Variants in PPFIBP2 observed in about 807,000 individuals in gnomAD.
PPFIBP2 encodes liprin-beta-2.
In PPFIBP2, 118 loss-of-function variants were observed where a neutral mutation model predicts 118.3. That is an observed-to-expected ratio of 1.00 (90% CI 0.86 to 1.16). PPFIBP2 has a LOEUF of 1.16. Among genes scored for constraint, PPFIBP2 ranks in the 50% most tolerant of loss-of-function variants. PPFIBP2 has a pLI of 0.00. For missense variants in PPFIBP2, 1,195 were observed against 1,073.1 expected (o/e 1.11, Z -1.59); for synonymous variants, 414 against 397.4 (o/e 1.04, Z -0.50).
At chr11:7,604,302 A>C (rs1334226154) in intron 5 of PPFIBP2, among the ~76,000 whole-genome samples, 3 of 152,186 alleles carry the variant, frequency 2.0e-5, no homozygotes, top group Non-Finnish European at 4.4e-5. Context: ...AGATCTGAGA[A>C]ATGCAAGCTG....
intron 5 of PPFIBP2, among the ~76,000 whole-genome samples, chr11:7,598,925 T>C (rs1417818064): frequency 7.8e-6 from 1 of 127,916 alleles, no homozygotes; most frequent in African/African-American, 3.6e-5. Context: ...TGTTTTTATA[T>C]ATATGTCTTC....
intron 1 of PPFIBP2, among the ~76,000 whole-genome samples, chr11:7,547,435 C>A (rs1443171128): frequency 6.6e-6 from 1 of 152,084 alleles, no homozygotes; most frequent in African/African-American, 2.4e-5. Context: ...TGGAATTTTC[C>A]CCTTAGAGAA....
At chr11:7,663,834 G>T in the PPFIBP2 span, among the ~76,000 whole-genome samples, 1 of 152,208 alleles carries the variant, frequency 6.6e-6, no homozygotes, top group Non-Finnish European at 1.5e-5. Flanking sequence ...AGCCAGGTGC[G>T]GGATATAATC....
the PPFIBP2 span, chr11:7,665,701 A>G: frequency 5.2e-6 from 6 of 1,148,500 alleles, no homozygotes; most frequent in Non-Finnish European, 7.2e-6. Context: ...AAAAAGCCTC[A>G]GAACTAGTAA....
intron 3 of PPFIBP2, among the ~76,000 whole-genome samples, chr11:7,578,691 C>T (rs375219104): frequency 2.8e-4 from 43 of 152,210 alleles, no homozygotes; most frequent in Non-Finnish European, 6.2e-4. Flanking sequence ...ACAGAAGACA[C>T]GGGACTGCTG....
chr11:7,601,610 G>T (rs1846640089), intron 5 of PPFIBP2, among the ~76,000 whole-genome samples: 1 of 152,118 alleles, frequency 6.6e-6, no homozygotes, highest in Non-Finnish European at 1.5e-5. Context: ...AGTCAGATGT[G>T]GTCTTAGACT....
chr11:7,567,282 A>G (rs541831382), intron 3 of PPFIBP2, among the ~76,000 whole-genome samples: 162 of 152,354 alleles, frequency 1.1e-3, no homozygotes, highest in African/African-American at 3.7e-3. Flanking sequence ...GGTATAAACA[A>G]TGAATCTAAC....
chr11:7,639,800 T>G lies in PPFIBP2; in HGVS notation c.1305T>G (p.Asn435Lys). The part of the protein sequence containing the change: ...LPGKLSGATP[N>K]GEAAKSPPTI... ...GGAAGCTTTCAGGAGCCACGCCCAATGGAGAGGCTGCCAAATCTCCTCCCA... is the reference window on the plus strand; with the variant it reads ...GGAAGCTTTCAGGAGCCACGCCCAAGGGAGAGGCTGCCAAATCTCCTCCCA... The change falls in exon 15 of 24, where the codon AAT becomes AAG. Residue 435 changes from asparagine (N) to lysine (K), a missense_variant. Asn to Lys is a moderately conservative substitution (Grantham distance 94, BLOSUM62 0). Coordinates refer to ENST00000299492, the MANE Select transcript of PPFIBP2 (RefSeq NM_003621.5). The G allele has an allele frequency of 6.2e-7, 1 of 1,614,010 alleles. No homozygotes were observed. The highest frequency in any genetic ancestry group is 8.5e-7 in the Non-Finnish European group (1 of 1,179,986).
At chr11:7,569,055 T>A (rs1444735447) in intron 3 of PPFIBP2, 1 of 152,182 alleles carries the variant, frequency 6.6e-6, no homozygotes, top group Non-Finnish European at 1.5e-5. Context: ...ATCAGAAGAA[T>A]GGGCTGCTGA....
chr11:7,657,104 CTCGTGATAT>C (rs1854755085), downstream of PPFIBP2: 2 of 252,410 alleles, frequency 7.9e-6, no homozygotes, highest in Non-Finnish European at 1.6e-5. Flanking sequence ...GACTCGATGG[CTCGTGATAT>C]TCCTGGTGAC....
At position 7,652,937 on chromosome 11, in the gene PPFIBP2, C is replaced by G. The variant is rs531144303; in HGVS notation, c.2437-87C>G. ...TTACATTATTCCTCTCCTTGAGTGC[C>G]TGCTCTTAAATTTTAAGTATATTGT... On this transcript the variant is annotated intron_variant, in intron 23 of 23. Coordinates refer to ENST00000299492, the MANE Select transcript of PPFIBP2 (RefSeq NM_003621.5). 2.8e-6 allele frequency: 4 copies of G among 1,420,352 alleles called. No homozygotes were observed. In the African/African-American group the frequency reaches 4.3e-5, roughly 15 times the overall value. The allele number at this position is 1,420,352 out of a possible 1,614,324, so 88.0% of individuals were successfully genotyped here. A position where few individuals can be genotyped will look rare whatever the true frequency, so the allele number is the denominator to read the frequency against.
At position 7,565,610 on chromosome 11, in the gene PPFIBP2, C is replaced by T. The variant is rs143207591; in HGVS notation, c.122C>T (p.Pro41Leu). The T allele has an allele frequency of 6.4e-5, 104 of 1,614,216 alleles. 1 individual carries two copies. In the Middle Eastern group the frequency reaches 5.1e-3, roughly 79 times the overall value. ...DGTCEPGLAS[P>L]ASYMNPFPVL... is the part of the protein sequence containing the mutation. The stretch of plus-strand genomic sequence containing the variant: ...ACTTGTGAGCCTGGACTGGCTTCCC[C>T]GGCCTCCTACATGAACCCCTTCCCG... Residue 41 changes from proline to leucine, a missense_variant, in exon 3 of 24, where the codon CCG becomes CTG. Transcript: ENST00000299492.
intron 17 of PPFIBP2, 91 bp from the exon 18 acceptor site, chr11:7,648,296 T>C: frequency 1.4e-6 from 2 of 1,383,158 alleles, no homozygotes. Context: ...TTTTGTTTTT[T>C]CTTTTCTTTT....
At chr11:7,574,322 A>G (rs1457384438) in intron 3 of PPFIBP2, among the ~76,000 whole-genome samples, 1 of 152,096 alleles carries the variant, frequency 6.6e-6, no homozygotes, top group African/African-American at 2.4e-5. Flanking sequence ...GTCTTCAGAG[A>G]GGGGTCCAGT....
intron 10 of PPFIBP2, 29 bp from the exon 11 acceptor site, chr11:7,630,896 A>T (rs374433304): frequency 1.5e-5 from 23 of 1,523,818 alleles, no homozygotes; most frequent in Non-Finnish European, 1.9e-5. Flanking sequence ...GAATTCAACA[A>T]TTCAGTCTTA....
intron 1 of PPFIBP2, among the ~76,000 whole-genome samples, chr11:7,527,690 G>A (rs1029928401): frequency 2.0e-5 from 3 of 152,148 alleles, no homozygotes; most frequent in South Asian, 4.1e-4. Flanking sequence ...GGCATTTGAG[G>A]TGTGTCCTGA....
At chr11:7,665,423 G>C in the PPFIBP2 span, 4 of 1,611,124 alleles carry the variant, frequency 2.5e-6, no homozygotes, top group African/African-American at 2.7e-5. Flanking sequence ...CTCCAGGTTA[G>C]GGTGAGCCGC....
intron 21 of PPFIBP2, 79 bp from the exon 22 acceptor site, chr11:7,650,761 T>A: frequency 3.3e-6 from 5 of 1,503,472 alleles, no homozygotes; most frequent in Non-Finnish European, 4.5e-6. Flanking sequence ...GCAGGGTTAC[T>A]TACCGGGGCT....
intron 1 of PPFIBP2, among the ~76,000 whole-genome samples, chr11:7,517,498 C>T (rs540416203): frequency 3.3e-5 from 5 of 151,800 alleles, no homozygotes; most frequent in South Asian, 4.2e-4. Context: ...TTGGGTACTA[C>T]GGGGAATGTG....
Sources: allele counts gnomAD v4.1 joint callset (sites outside exome capture counted in the v4.1 genomes callset), GRCh38; gene constraint gnomAD v4.1.1; transcripts MANE v1.5; gene names NCBI Gene and HGNC (gene_info 2026-07-23, HGNC 2026-07-21).